Variants in RAPGEF2 observed in about 807,000 individuals in gnomAD.
RAPGEF2 encodes Rap guanine nucleotide exchange factor 2.
In RAPGEF2, 54 loss-of-function variants were observed where a neutral mutation model predicts 186.7. The observed-to-expected ratio is 0.29, with a 90% confidence interval of 0.23 to 0.36. The LOEUF (loss-of-function observed/expected upper bound fraction) is 0.36, where lower values mean the gene tolerates loss of function less well. Ranked by LOEUF, RAPGEF2 falls within the 10% of genes least tolerant of loss-of-function variation. The probability of loss-of-function intolerance (pLI) is 1.00; values close to 1 mark genes in which losing one functional copy is unlikely to be tolerated. For missense variants in RAPGEF2, 1,532 were observed against 2,045.0 expected, an observed-to-expected ratio of 0.75 and a Z score of 4.84; for synonymous variants, 712 against 705.9, an observed-to-expected ratio of 1.01 and a Z score of -0.14.
At chr4:159,143,656 T>TCA (rs1215716712) in intron 1 of RAPGEF2, among the ~76,000 whole-genome samples, 1 of 152,120 alleles carries the variant, frequency 6.6e-6, no homozygotes. Context: ...AGGCTCTGGG[T>TCA]AAGAGCTGGA....
At chr4:159,295,634 A>T (rs567781671) in intron 7 of RAPGEF2, among the ~76,000 whole-genome samples, 1 of 151,804 alleles carries the variant, frequency 6.6e-6, no homozygotes, top group South Asian at 2.1e-4. Flanking sequence ...TAATAATTCT[A>T]CTATTGTTCT....
intron 20 of RAPGEF2, among the ~76,000 whole-genome samples, chr4:159,342,247 G>A (rs1442569062): frequency 6.6e-6 from 1 of 151,696 alleles, no homozygotes; most frequent in Non-Finnish European, 1.5e-5. Flanking sequence ...TTTTAAGTTT[G>A]TTTCAACTTT....
intron 3 of RAPGEF2, among the ~76,000 whole-genome samples, chr4:159,193,848 T>G (rs930041913): frequency 1.3e-5 from 2 of 152,242 alleles, no homozygotes; most frequent in African/African-American, 4.8e-5. Flanking sequence ...TGACTGTTGT[T>G]TTGTTGACTG....
intron 1 of RAPGEF2, among the ~76,000 whole-genome samples, chr4:159,156,452 A>T (rs1561022178): frequency 6.7e-6 from 1 of 148,998 alleles, no homozygotes; most frequent in African/African-American, 2.5e-5. Flanking sequence ...TTTGTATGTA[A>T]TTTTTTTTTT....
In RAPGEF2 at chr4:159,329,909, A is replaced by G; in HGVS notation, c.1201A>G (p.Lys401Glu). The change falls in exon 12 of 30, where the codon AAG (lysine) becomes GAG (glutamate). Residue 401 changes from lysine (K) to glutamate (E), a missense_variant. This residue lies in a region of RAPGEF2 where 810 missense variants were observed against 1,210.5 expected (regional missense o/e 0.67). Coordinates refer to ENST00000691494, the MANE Select transcript of RAPGEF2 (RefSeq NM_001394067.2). The part of the protein sequence containing the change: ...DYCRILNQVE[K>E]NMQKVEEEGE... Reference sequence around the variant, plus strand: ...CTGCCGTATTCTCAATCAAGTAGAAAAGAACATGCAAAAAGTTGAAGAGGA... The same window carrying G: ...CTGCCGTATTCTCAATCAAGTAGAAGAGAACATGCAAAAAGTTGAAGAGGA... The G allele has an allele frequency of 6.2e-7, 1 of 1,613,600 alleles. No homozygotes were observed.
Position 159,346,877 on chromosome 4 carries a change from C to T in RAPGEF2, c.3591C>T (p.Ser1197=). The change falls in exon 25 of 30, where the codon TCC becomes TCT. Residue 1197 remains serine, a synonymous_variant. Transcript: ENST00000691494. ...PRAGSQQKAQ[S]LPQPQQQPPP... ...CAGGGTCACAACAGAAAGCTCAGTCCCTGCCACAGCCCCAGCAGCAGCCAC... is the reference window on the plus strand; with the variant it reads ...CAGGGTCACAACAGAAAGCTCAGTCTCTGCCACAGCCCCAGCAGCAGCCAC... 6.2e-7 allele frequency: 1 copy of T among 1,614,152 alleles called. No homozygotes were observed. Among genetic ancestry groups the T allele is most frequent in the Non-Finnish European group, 8.5e-7 (1 of 1,180,018 alleles).
intron 11 of RAPGEF2, chr4:159,328,590 A>G (rs574595752): frequency 2.8e-4 from 42 of 152,358 alleles, no homozygotes; most frequent in African/African-American, 8.7e-4. Flanking sequence ...AAAAATATAG[A>G]AAGATACTAA....
At chr4:159,252,613 A>G (rs1755596921) in intron 7 of RAPGEF2, among the ~76,000 whole-genome samples, 1 of 151,412 alleles carries the variant, frequency 6.6e-6, no homozygotes, top group Non-Finnish European at 1.5e-5. Flanking sequence ...TTTTAGTATT[A>G]ACTTTGGTTA....
intron 7 of RAPGEF2, among the ~76,000 whole-genome samples, chr4:159,300,680 A>G (rs570993999): frequency 6.6e-6 from 1 of 152,320 alleles, no homozygotes; most frequent in African/African-American, 2.4e-5. Flanking sequence ...CTACAGTCGC[A>G]AGATAATTCA....
At chr4:159,174,055 C>T (rs116244596) in intron 1 of RAPGEF2, among the ~76,000 whole-genome samples, 146 of 152,262 alleles carry the variant, frequency 9.6e-4, no homozygotes, top group African/African-American at 3.4e-3. Context: ...ACAGGAATTG[C>T]GAACTGATTT....
chr4:159,341,554 T>G lies in RAPGEF2; in HGVS notation c.2535-10T>G. ...AGGCTTTGACTCTGATATGTTTCTG[T>G]TTTTCATAGGTATTATCTGAAAAAC... On this transcript the variant is annotated splice_polypyrimidine_tract_variant and intron_variant, in intron 19 of 29. Transcript: ENST00000691494. The G allele has an allele frequency of 6.4e-7, 1 of 1,565,920 alleles. No individual in the cohort carries two copies. The highest frequency in any genetic ancestry group is 8.6e-7 in the Non-Finnish European group (1 of 1,160,508).
chr4:159,307,767 T>C (rs896164130), intron 8 of RAPGEF2, among the ~76,000 whole-genome samples: 1 of 152,164 alleles, frequency 6.6e-6, no homozygotes, highest in Non-Finnish European at 1.5e-5. Flanking sequence ...AGGCCAGGAA[T>C]CTAAGACCAG....
At chr4:159,207,916 A>G (rs1016019718) in intron 3 of RAPGEF2, among the ~76,000 whole-genome samples, 1 of 152,242 alleles carries the variant, frequency 6.6e-6, no homozygotes, top group African/African-American at 2.4e-5. Context: ...AGTTTTTTTC[A>G]CAAACCAAAC....
At chr4:159,265,986 A>G (rs1757381288) in intron 7 of RAPGEF2, among the ~76,000 whole-genome samples, 1 of 152,216 alleles carries the variant, frequency 6.6e-6, no homozygotes, top group African/African-American at 2.4e-5. Flanking sequence ...AGGAATGGTG[A>G]AAACCAAAAC....
intron 4 of RAPGEF2, among the ~76,000 whole-genome samples, chr4:159,234,919 C>T (rs1753072108): frequency 6.6e-6 from 1 of 152,142 alleles, no homozygotes; most frequent in Non-Finnish European, 1.5e-5. Context: ...GCCATCATGC[C>T]TGGCTAACTT....
At chr4:159,108,828 C>T (rs1376137429) in intron 1 of RAPGEF2, among the ~76,000 whole-genome samples, 2 of 152,104 alleles carry the variant, frequency 1.3e-5, no homozygotes, top group Non-Finnish European at 2.9e-5. Context: ...AAATGATCCT[C>T]CTGCGTCAGC....
At chr4:159,120,948 G>T (rs1337019346) in intron 1 of RAPGEF2, among the ~76,000 whole-genome samples, 2 of 151,898 alleles carry the variant, frequency 1.3e-5, no homozygotes, top group African/African-American at 4.8e-5. Context: ...TCTGCCTCCT[G>T]GGTTCGAGCG....
At chr4:159,332,882 A>G (rs1220919079) in intron 17 of RAPGEF2, 185 bp downstream of exon 17, 4 of 539,670 alleles carry the variant, frequency 7.4e-6, no homozygotes, top group African/African-American at 1.9e-5. Context: ...TTATTTGGCT[A>G]CTCCCAATCT....
At chr4:159,149,364 A>G (rs537447176) in intron 1 of RAPGEF2, among the ~76,000 whole-genome samples, 24 of 152,130 alleles carry the variant, frequency 1.6e-4, no homozygotes, top group East Asian at 1.2e-3. Flanking sequence ...GCTTCAAGCA[A>G]TTCTCTGCCT....
Sources: gnomAD v4.1 joint callset for allele counts (sites outside exome capture counted in the v4.1 genomes callset) on GRCh38, gnomAD v4.1.1 for gene constraint, gnomAD v4.1.1 regional missense constraint, MANE v1.5 for transcripts, NCBI Gene and HGNC (gene_info 2026-07-23, HGNC 2026-07-21) for gene names.